TBL1XR1: variants seen among roughly 807,000 people sequenced by gnomAD.
TBL1XR1 encodes the protein TBL1X/Y related 1.
In TBL1XR1, 5 loss-of-function variants were observed where a neutral mutation model predicts 66.9. The ratio of observed to expected loss-of-function variants is 0.07; its 90% confidence interval spans 0.04 to 0.16. The LOEUF (loss-of-function observed/expected upper bound fraction) is 0.16, where lower values mean the gene tolerates loss of function less well. Among genes scored for constraint, TBL1XR1 ranks in the 10% least tolerant of loss-of-function variants. TBL1XR1 has a pLI of 1.00. For missense variants in TBL1XR1, 238 were observed against 623.2 expected, an observed-to-expected ratio of 0.38 and a Z score of 6.58; for synonymous variants, 210 against 206.0, an observed-to-expected ratio of 1.02 and a Z score of -0.17.
chr3:177,036,562 C>A (rs1431008390), intron 12 of TBL1XR1, among the ~76,000 whole-genome samples: 1 of 152,234 alleles, frequency 6.6e-6, no homozygotes, highest in Non-Finnish European at 1.5e-5. Context: ...GCCCTTCTGT[C>A]ATTTCCTCAT....
intron 1 of TBL1XR1, among the ~76,000 whole-genome samples, chr3:177,157,078 G>T (rs1284843614): frequency 6.6e-6 from 1 of 152,162 alleles, no homozygotes; most frequent in Non-Finnish European, 1.5e-5. Context: ...CAGGCACAGT[G>T]TCTCACACCT....
chr3:177,155,568 A>G (rs1043798220), intron 1 of TBL1XR1, among the ~76,000 whole-genome samples: 3 of 152,256 alleles, frequency 2.0e-5, no homozygotes, highest in Non-Finnish European at 2.9e-5. Context: ...TAATGTGAAT[A>G]CATAAGGAAA....
intron 2 of TBL1XR1, among the ~76,000 whole-genome samples, chr3:177,088,636 T>A (rs925631559): frequency 6.6e-6 from 1 of 151,958 alleles, no homozygotes; most frequent in East Asian, 1.9e-4. Context: ...TATTTCAGCC[T>A]CTAATGACAA....
At chr3:177,182,127 T>C (rs1039404441) in intron 1 of TBL1XR1, among the ~76,000 whole-genome samples, 7 of 152,098 alleles carry the variant, frequency 4.6e-5, no homozygotes, top group African/African-American at 1.7e-4. Context: ...CTCATGCCTA[T>C]TGTAATCCCA....
At chr3:177,086,717 G>A (rs573044297) in intron 2 of TBL1XR1, among the ~76,000 whole-genome samples, 43 of 151,542 alleles carry the variant, frequency 2.8e-4, no homozygotes, top group African/African-American at 9.2e-4. Flanking sequence ...TCTCTATCAC[G>A]GAACATATAC....
At chr3:177,184,800 C>CAA (rs35413456) in intron 1 of TBL1XR1, among the ~76,000 whole-genome samples, 1 of 136,026 alleles carries the variant, frequency 7.4e-6, no homozygotes, top group Non-Finnish European at 1.6e-5. Context: ...GACTGTGGCT[C>CAA]AAAAAAAAAA....
rs1560089703 is a variant in TBL1XR1 at position 177,024,712 on chromosome 3, A to AG, written c.*785dup. 3 of 140,198 alleles carry AG rather than the reference A, an allele frequency of 2.1e-5. No individual in the cohort carries two copies. The highest frequency in any genetic ancestry group is 4.6e-5 in the Non-Finnish European group (3 of 64,880). 8.7% of individuals were successfully genotyped at this position (140,198 alleles called of 1,614,324 possible). A position where few individuals can be genotyped will look rare whatever the true frequency, so the allele number is the denominator to read the frequency against. ...AAGCCACATCACCAAAAAACAAAAA[A>AG]GAAAAAAAAAAAAAAAAAGCAAAAC... On this transcript the variant is annotated 3_prime_UTR_variant, in exon 16 of 16. Transcript: ENST00000457928.
rs1272713966 is a variant in TBL1XR1, at chr3:177,041,358, T to C, written c.926-2924A>G. On this transcript the variant is annotated intron_variant, in intron 10 of 15. Coordinates refer to ENST00000457928, the MANE Select transcript of TBL1XR1 (RefSeq NM_024665.7). ...CCCTTGGTTCAATGTAAGAAAAACT[T>C]TGAGGTGCAAGCTCCCCTCTGCACC... Among the ~76,000 whole-genome samples, 3 of 152,252 alleles carry C rather than the reference T, an allele frequency of 2.0e-5. No homozygotes were observed. The East Asian group carries it at 5.8e-4, about 29-fold the overall frequency.
chr3:177,178,435 C>T (rs551233300), intron 1 of TBL1XR1, among the ~76,000 whole-genome samples: 7 of 151,978 alleles, frequency 4.6e-5, no homozygotes, highest in African/African-American at 1.7e-4. Context: ...AAGTAACAAG[C>T]ACTTTATGAG....
At chr3:177,150,034 C>T (rs182038839) in intron 1 of TBL1XR1, among the ~76,000 whole-genome samples, 1 of 152,266 alleles carries the variant, frequency 6.6e-6, no homozygotes, top group East Asian at 1.9e-4. Context: ...ATGTAGCATA[C>T]TATACAATTT....
At position 177,192,457 on chromosome 3, in the gene TBL1XR1, G is replaced by A. The variant is rs1440502205; in HGVS notation, c.-122+4664C>T. Among the ~76,000 whole-genome samples the A allele has an allele frequency of 4.0e-5, 6 of 151,262 alleles. No individual in the cohort carries two copies. The East Asian group carries it at 1.2e-3, about 29-fold the overall frequency. Reference sequence around the variant, plus strand: ...AAAATGTTTCAAATGGTGCAAGTAGGCTTAAGAAGTCCAACCCAGATGACA... The same window carrying A: ...AAAATGTTTCAAATGGTGCAAGTAGACTTAAGAAGTCCAACCCAGATGACA... On this transcript the variant is annotated intron_variant, in intron 1 of 15. Transcript: ENST00000457928.
chr3:177,064,639 C>T (rs1718929214), intron 3 of TBL1XR1, among the ~76,000 whole-genome samples: 1 of 152,246 alleles, frequency 6.6e-6, no homozygotes, highest in Admixed American at 6.5e-5. Context: ...TTTTTATGTT[C>T]CTACTACATA....
intron 1 of TBL1XR1, among the ~76,000 whole-genome samples, chr3:177,112,409 A>G (rs1418575645): frequency 1.3e-5 from 2 of 151,930 alleles, no homozygotes; most frequent in African/African-American, 4.8e-5. Flanking sequence ...CCCCCGGCCT[A>G]AAGTATCATT....
At chr3:177,071,097 C>T (rs911848965) in intron 2 of TBL1XR1, among the ~76,000 whole-genome samples, 2 of 132,572 alleles carry the variant, frequency 1.5e-5, no homozygotes, top group Non-Finnish European at 3.1e-5. Context: ...GTGGTGCGAT[C>T]TCGGCTCACT....
intron 1 of TBL1XR1, among the ~76,000 whole-genome samples, chr3:177,161,252 T>G (rs1205678825): frequency 1.3e-5 from 2 of 152,198 alleles, no homozygotes; most frequent in South Asian, 4.1e-4. Flanking sequence ...CCTTGACTCC[T>G]TGCTTTCCCA....
At chr3:177,151,312 T>C (rs1730857030) in intron 1 of TBL1XR1, among the ~76,000 whole-genome samples, 2 of 152,192 alleles carry the variant, frequency 1.3e-5, no homozygotes, top group African/African-American at 2.4e-5. Flanking sequence ...TTAAAAACAG[T>C]TGCATTTGAT....
At chr3:177,178,399 C>G (rs1380837039) in intron 1 of TBL1XR1, among the ~76,000 whole-genome samples, 18 of 152,006 alleles carry the variant, frequency 1.2e-4, no homozygotes, top group Non-Finnish European at 2.6e-4. Flanking sequence ...TCCCGGAAAA[C>G]TTGACTTTAC....
chr3:177,179,732 C>G (rs1734580899), intron 1 of TBL1XR1, among the ~76,000 whole-genome samples: 1 of 152,136 alleles, frequency 6.6e-6, no homozygotes, highest in African/African-American at 2.4e-5. Context: ...CTGTCATTAC[C>G]AGTTCTCACT....
At chr3:177,100,871 T>C (rs1042663514) in intron 1 of TBL1XR1, among the ~76,000 whole-genome samples, 10 of 149,442 alleles carry the variant, frequency 6.7e-5, no homozygotes, top group African/African-American at 2.2e-4. Context: ...GTTTTTTTTT[T>C]CTTTGAGACG....
Sources: gnomAD v4.1 joint callset for allele counts (sites outside exome capture counted in the v4.1 genomes callset) on GRCh38, gnomAD v4.1.1 for gene constraint, MANE v1.5 for transcripts, NCBI Gene and HGNC (gene_info 2026-07-23, HGNC 2026-07-21) for gene names.